PGM3: variants seen among roughly 807,000 people sequenced by gnomAD.
The protein encoded by PGM3 is phosphoglucomutase 3, also known as phosphoacetylglucosamine mutase.
Under a neutral mutation model 66.2 loss-of-function variants are expected in PGM3, and 40 were observed. That is an observed-to-expected ratio of 0.60 (90% CI 0.47 to 0.79). The LOEUF is 0.79. Ranked by LOEUF, PGM3 falls within the 30% of genes least tolerant of loss-of-function variation. The probability of loss-of-function intolerance (pLI) is 0.00; values close to 1 mark genes in which losing one functional copy is unlikely to be tolerated. For synonymous variants in PGM3, 191 were observed against 224.2 expected, an observed-to-expected ratio of 0.85 and a Z score of 1.32; for missense variants, 537 against 643.4, an observed-to-expected ratio of 0.83 and a Z score of 1.79.
In PGM3 at chr6:83,168,188, T is replaced by C; in HGVS notation, c.*1046A>G. 6.3e-7 allele frequency: 1 copy of C among 1,598,442 alleles called. No individual in the cohort carries two copies. The highest frequency in any genetic ancestry group is 8.5e-7 in the Non-Finnish European group (1 of 1,173,844). On this transcript the variant is annotated 3_prime_UTR_variant, in exon 13 of 13. Transcript: ENST00000513973. Reference sequence around the variant, plus strand: ...CTTGAGCACCATTGCTGGTTCCATTTAGCTTACATGTAAATGTAATTATTT... The same window carrying C: ...CTTGAGCACCATTGCTGGTTCCATTCAGCTTACATGTAAATGTAATTATTT...
chr6:83,171,795 A>C (rs1036882926), intron 11 of PGM3, 142 bp downstream of exon 11: 1 of 648,908 alleles, frequency 1.5e-6, no homozygotes, highest in Non-Finnish European at 2.5e-6. Context: ...CGCTTGGCCC[A>C]TAAGGCCTTA....
At position 83,188,690 on chromosome 6, in the gene PGM3, C is replaced by T. The variant is rs774682150; in HGVS notation, c.313G>A (p.Val105Met). ...ANAEEQDMQR[V>M]LIDISEKEAV... ...TCTTTCTCGCTGATGTCAATAAGCA[C>T]TCTCTGCATATCTTGTTCCTCAGCA... Residue 105 changes from valine to methionine, a missense_variant, in exon 3 of 13, where the codon GTG (valine) becomes ATG (methionine). Val to Met is a conservative substitution (Grantham distance 21). Transcript: ENST00000513973. 9.9e-6 allele frequency: 16 copies of T among 1,613,710 alleles called. No individual in the cohort carries two copies. In the East Asian group the frequency reaches 3.3e-4, roughly 34 times the overall value.
At chr6:83,172,080 G>C in intron 10 of PGM3, 21 bp from the exon 11 acceptor site, 1 of 1,612,448 alleles carries the variant, frequency 6.2e-7, no homozygotes, top group Non-Finnish European at 8.5e-7. Context: ...GGAAACAAAT[G>C]GAAGAAACCA....
In PGM3 at chr6:83,169,254, T is replaced by C. The variant is rs1217707083; in HGVS notation, c.1609A>G (p.Arg537Gly). ...TATCTTCAGAAACCTGGTTGGGGCC[T>C]TTCTCCAATTCCTCCAGCCAGCTGA... The part of the protein sequence containing the change: ...VFQLAGGIGE[R>G]PQPGF The change falls in exon 13 of 13, where the codon AGG (arginine) becomes GGG (glycine). Residue 537 changes from arginine to glycine, a missense_variant. Arg to Gly is a moderately radical substitution (Grantham distance 125). Coordinates refer to ENST00000513973, the MANE Select transcript of PGM3 (RefSeq NM_015599.3). 2 of 1,614,074 alleles carry C rather than the reference T, an allele frequency of 1.2e-6. No homozygotes were observed. The highest frequency in any genetic ancestry group is 1.7e-6 in the Non-Finnish European group (2 of 1,179,928).
intron 11 of PGM3, among the ~76,000 whole-genome samples, chr6:83,171,592 G>T (rs1787159255): frequency 6.6e-6 from 1 of 152,214 alleles, no homozygotes; most frequent in Non-Finnish European, 1.5e-5. Context: ...CCAGGTTCAA[G>T]TGATTCTCCT....
Position 83,165,890 on chromosome 6 carries a change from G to A in PGM3, c.*3344C>T, listed in dbSNP as rs1357185924. ...GATTTGCTGAGCATACTTATCAGATGTAATGGTTTCACCTGGATTCAGAAA... is the reference window on the plus strand; with the variant it reads ...GATTTGCTGAGCATACTTATCAGATATAATGGTTTCACCTGGATTCAGAAA... On this transcript the variant is annotated 3_prime_UTR_variant, in exon 13 of 13. Coordinates refer to ENST00000513973, the MANE Select transcript of PGM3 (RefSeq NM_015599.3). The A allele has an allele frequency of 2.7e-5, 11 of 406,280 alleles. No individual in the cohort carries two copies. The highest frequency in any genetic ancestry group is 1.6e-4 in the African/African-American group (8 of 48,632). The allele number at this position is 406,280 out of a possible 1,614,324, so 25.2% of individuals were successfully genotyped here.
intron 11 of PGM3, chr6:83,171,306 TTTA>T (rs1787048701): frequency 6.6e-6 from 1 of 152,214 alleles, no homozygotes. Context: ...TTTTAATTTT[TTTA>T]TATCTATTTT....
chr6:83,161,856 A>T (rs1784313151), downstream of PGM3, among the ~76,000 whole-genome samples: 1 of 152,158 alleles, frequency 6.6e-6, no homozygotes, highest in African/African-American at 2.4e-5. Context: ...TCAGATGTGC[A>T]CAAAAATAAA....
In PGM3 at chr6:83,182,852, G is replaced by A. The variant is rs1254419923; in HGVS notation, c.584C>T (p.Thr195Ile). The stretch of plus-strand genomic sequence containing the variant: ...GTTCAATAAACTTTTCACCTGTTTG[G>A]TGAGTTCCACAAAAGCCTTAGAGAG... ...QKLSKAFVEL[T>I]KQASCSGDEY... The change falls in exon 5 of 13, where the codon ACC (threonine) becomes ATC (isoleucine). Residue 195 changes from threonine to isoleucine, a missense_variant. Thr to Ile is a moderately conservative substitution (Grantham distance 89). Coordinates refer to ENST00000513973, the MANE Select transcript of PGM3 (RefSeq NM_015599.3). 2 of 1,613,376 alleles carry A rather than the reference G, an allele frequency of 1.2e-6. No individual in the cohort carries two copies. The highest frequency in any genetic ancestry group is 1.7e-6 in the Non-Finnish European group (2 of 1,179,684).
chr6:83,165,775 C>T lies in PGM3; in HGVS notation c.*3459G>A, dbSNP rs901172434. On this transcript the variant is annotated 3_prime_UTR_variant, in exon 13 of 13. Coordinates refer to ENST00000513973, the MANE Select transcript of PGM3 (RefSeq NM_015599.3). ...AATTTTCGAAGCGTTGGTTGTGCAA[C>T]GTGCGGCCCAGTGTTGTCGTGAAAA... The T allele has an allele frequency of 4.1e-5, 10 of 243,792 alleles. 1 individual carries two copies. The East Asian group carries it at 6.8e-4, about 17-fold the overall frequency. 15.1% of individuals were successfully genotyped at this position (243,792 alleles called of 1,614,324 possible). A position where few individuals can be genotyped will look rare whatever the true frequency, so the allele number is the denominator to read the frequency against.
chr6:83,176,160 G>T (rs1787746993), intron 8 of PGM3, 100 bp from the exon 9 acceptor site: 3 of 705,370 alleles, frequency 4.3e-6, no homozygotes, highest in Middle Eastern at 5.0e-4. Flanking sequence ...CAAAATACTG[G>T]GGCCGAGTCC....
In PGM3 at chr6:83,167,845, CTTT is replaced by C. The variant is rs1338490974; in HGVS notation, c.*1386_*1388del. The C allele has an allele frequency of 1.3e-6, 2 of 1,592,838 alleles. No homozygotes were observed. Among genetic ancestry groups the C allele is most frequent in the African/African-American group, 2.7e-5 (2 of 74,068 alleles). On this transcript the variant is annotated 3_prime_UTR_variant, in exon 13 of 13. Coordinates refer to ENST00000513973, the MANE Select transcript of PGM3 (RefSeq NM_015599.3). ...TGTCTGTTGTATTAATACCAGTTCA[CTTT>C]TTGTTTTCTGCAGAAAAATCCAGAG...
Position 83,166,544 on chromosome 6 carries a change from C to A in PGM3, c.*2690G>T. The stretch of plus-strand genomic sequence containing the variant: ...CATAGTCTAAAATAAATATAAACAG[C>A]AATAAGTCATTAGCAAAAAAAAAGT... On this transcript the variant is annotated 3_prime_UTR_variant, in exon 13 of 13. Transcript: ENST00000513973. 6 of 629,770 alleles carry A rather than the reference C, an allele frequency of 9.5e-6. No individual in the cohort carries two copies. Among genetic ancestry groups the A allele is most frequent in the South Asian group, 6.0e-5 (3 of 50,280 alleles). The allele number at this position is 629,770 out of a possible 1,614,324, so 39.0% of individuals were successfully genotyped here.
chr6:83,169,658 C>G (rs752897779), intron 12 of PGM3: 22 of 468,698 alleles, frequency 4.7e-5, no homozygotes, highest in East Asian at 2.6e-4. Context: ...GTTGCCATCT[C>G]CTCATCCATC....
Position 83,168,802 on chromosome 6 carries a change from T to C in PGM3, c.*432A>G. ...TCTTAAGACTCTGCAATGGAAAAAC[T>C]GGTTGTATAAAGTCTTCTCTGCCCT... On this transcript the variant is annotated 3_prime_UTR_variant, in exon 13 of 13. Transcript: ENST00000513973. 1 of 1,007,094 alleles carries C rather than the reference T, an allele frequency of 9.9e-7. No individual in the cohort carries two copies. Among genetic ancestry groups the C allele is most frequent in the Non-Finnish European group, 1.2e-6 (1 of 841,984 alleles). 62.4% of individuals were successfully genotyped at this position (1,007,094 alleles called of 1,614,324 possible).
chr6:83,173,229 T>C (rs1033142036), intron 10 of PGM3, among the ~76,000 whole-genome samples: 9 of 152,146 alleles, frequency 5.9e-5, no homozygotes, highest in African/African-American at 1.9e-4. Flanking sequence ...AAATGAAGTG[T>C]TTTTGTGGAT....
At chr6:83,155,265 T>A in the PGM3 span, among the ~76,000 whole-genome samples, 39 of 126,456 alleles carry the variant, frequency 3.1e-4, no homozygotes, top group African/African-American at 1.1e-3. Flanking sequence ...AGTTTGAGAC[T>A]AACCTGGACA....
At chr6:83,174,797 G>T (rs1047512123) in intron 9 of PGM3, among the ~76,000 whole-genome samples, 1 of 152,188 alleles carries the variant, frequency 6.6e-6, no homozygotes, top group Non-Finnish European at 1.5e-5. Context: ...CCTTTAACCA[G>T]CTAAATCATT....
the PGM3 span, chr6:83,153,401 A>T: frequency 2.5e-5 from 15 of 596,054 alleles, no homozygotes; most frequent in Non-Finnish European, 3.5e-5. Context: ...TTAATTTTAG[A>T]TTTTTCTAAT....
Sources: allele counts gnomAD v4.1 joint callset (sites outside exome capture counted in the v4.1 genomes callset), GRCh38; gene constraint gnomAD v4.1.1; transcripts MANE v1.5; gene names NCBI Gene and HGNC (gene_info 2026-07-23, HGNC 2026-07-21).